Variants in STEAP1 observed in about 807,000 individuals in gnomAD.
STEAP1 encodes STEAP family member 1, also known as STEAP1 protein.
A neutral mutation model predicts 34.4 loss-of-function variants in STEAP1; 30 were observed. The observed-to-expected ratio is 0.87, with a 90% confidence interval of 0.65 to 1.18. The LOEUF is 1.18. Among genes scored for constraint, STEAP1 ranks in the 50% most tolerant of loss-of-function variants. STEAP1 has a pLI of 0.00. For missense variants in STEAP1, 318 were observed against 391.1 expected, an observed-to-expected ratio of 0.81 and a Z score of 1.58; for synonymous variants, 116 against 135.3, an observed-to-expected ratio of 0.86 and a Z score of 0.99.
intron 1 of STEAP1, among the ~76,000 whole-genome samples, chr7:90,158,990 G>A (rs868449160): frequency 6.6e-6 from 1 of 151,622 alleles, no homozygotes; most frequent in African/African-American, 2.4e-5. Context: ...AGTGTAAATT[G>A]AAGATGTGTT....
At chr7:90,164,250 T>C (rs1794221082) in intron 4 of STEAP1, among the ~76,000 whole-genome samples, 1 of 152,194 alleles carries the variant, frequency 6.6e-6, no homozygotes, top group Admixed American at 6.5e-5. Flanking sequence ...AAAGAAAGGC[T>C]GTGAATTTTG....
chr7:90,163,689 G>A (rs925258871), intron 4 of STEAP1, among the ~76,000 whole-genome samples: 3 of 152,150 alleles, frequency 2.0e-5, no homozygotes, highest in African/African-American at 7.2e-5. Flanking sequence ...AGTGAATAGA[G>A]GTCAGAAGTC....
intron 3 of STEAP1, among the ~76,000 whole-genome samples, chr7:90,161,528 C>T (rs1794186787): frequency 6.6e-6 from 1 of 152,072 alleles, no homozygotes; most frequent in Admixed American, 6.6e-5. Context: ...AAATAAGGTA[C>T]AACTTTAGCA....
chr7:90,158,537 A>G (rs1277494789), intron 1 of STEAP1, among the ~76,000 whole-genome samples: 1 of 152,074 alleles, frequency 6.6e-6, no homozygotes, highest in African/African-American at 2.4e-5. Context: ...GATCATCAGT[A>G]TCACTGTCTT....
chr7:90,157,703 A>G (rs1219787355), intron 1 of STEAP1, among the ~76,000 whole-genome samples: 1 of 152,260 alleles, frequency 6.6e-6, no homozygotes, highest in Non-Finnish European at 1.5e-5. Flanking sequence ...TAATTTTGAA[A>G]TAGATAATAT....
rs200418160 is a variant in STEAP1, at chr7:90,160,863, A to G, written c.143A>G (p.Gln48Arg). 8.3e-4 allele frequency: 1,249 copies of G among 1,500,738 alleles called. No homozygotes were observed. The highest frequency in any genetic ancestry group is 3.7e-3 in the African/African-American group (251 of 67,910). 93.0% of individuals were successfully genotyped at this position (1,500,738 alleles called of 1,614,324 possible). ...LKRPVLLHLH[Q>R]TAHADEFDCP... is the part of the protein sequence containing the mutation. The stretch of plus-strand genomic sequence containing the variant: ...AGACCTGTGCTTTTGCATTTGCACC[A>G]AACAGCCCATGCTGATGAATTTGAC... Residue 48 changes from glutamine (Q) to arginine (R), a missense_variant, in exon 3 of 5, where the codon CAA becomes CGA. Coordinates refer to ENST00000297205, the MANE Select transcript of STEAP1 (RefSeq NM_012449.3).
At chr7:90,154,784 AG>A (rs1321234051) in intron 1 of STEAP1, among the ~76,000 whole-genome samples, 1 of 152,214 alleles carries the variant, frequency 6.6e-6, no homozygotes, top group Non-Finnish European at 1.5e-5. Flanking sequence ...GGGGAGAGCC[AG>A]GGACTCACAG....
chr7:90,164,721 G>A lies in STEAP1; in HGVS notation c.1007G>A (p.Cys336Tyr), dbSNP rs368403647. Residue 336 changes from cysteine (C) to tyrosine (Y), a missense_variant, in exon 5 of 5, where the codon TGT becomes TAT. Coordinates refer to ENST00000297205, the MANE Select transcript of STEAP1 (RefSeq NM_012449.3). Reference protein sequence around the residue: ...DVTKINKTEICSQL With the variant: ...DVTKINKTEIYSQL ...ACCAAAATTAACAAAACTGAGATAT[G>A]TTCCCAGTTGTAGAATTACTGTTTA... The A allele has an allele frequency of 6.2e-7, 1 of 1,609,796 alleles. No homozygotes were observed. The highest frequency in any genetic ancestry group is 8.5e-7 in the Non-Finnish European group (1 of 1,178,340).
At chr7:90,162,750 A>G (rs1367671563) in intron 4 of STEAP1, among the ~76,000 whole-genome samples, 1 of 152,104 alleles carries the variant, frequency 6.6e-6, no homozygotes, top group Non-Finnish European at 1.5e-5. Context: ...CTGTCACCTG[A>G]ATTTAGTAAT....
chr7:90,158,793 G>A (rs1382175997), intron 1 of STEAP1, among the ~76,000 whole-genome samples: 1 of 152,130 alleles, frequency 6.6e-6, no homozygotes, highest in Non-Finnish European at 1.5e-5. Flanking sequence ...TGGGACCACT[G>A]TTACATATGC....
chr7:90,161,237 G>A lies in STEAP1; in HGVS notation c.517G>A (p.Val173Ile), dbSNP rs773454536. The change falls in exon 3 of 5, where the codon GTA becomes ATA. Residue 173 changes from valine to isoleucine, a missense_variant. Physicochemically the swap from Val to Ile is conservative, Grantham distance 29. Coordinates refer to ENST00000297205, the MANE Select transcript of STEAP1 (RefSeq NM_012449.3). Reference protein sequence around the residue: ...QFGLLSFFFAVLHAIYSLSYP... With the variant: ...QFGLLSFFFAILHAIYSLSYP... The stretch of plus-strand genomic sequence containing the variant: ...TGGGCTTCTCAGTTTCTTTTTTGCT[G>A]TACTGCATGCAATTTATAGTCTGTC... The A allele has an allele frequency of 7.1e-5, 115 of 1,613,938 alleles. No homozygotes were observed. Among genetic ancestry groups the A allele is most frequent in the Non-Finnish European group, 5.3e-5 (62 of 1,179,996 alleles).
At chr7:90,164,415 G>T in intron 4 of STEAP1, 62 bp from the exon 5 acceptor site, 1 of 1,510,056 alleles carries the variant, frequency 6.6e-7, no homozygotes, top group Non-Finnish European at 8.9e-7. Context: ...ATATCCAGAT[G>T]AGGTAGGATG....
At chr7:90,158,797 C>A (rs1390445436) in intron 1 of STEAP1, among the ~76,000 whole-genome samples, 2 of 152,190 alleles carry the variant, frequency 1.3e-5, no homozygotes, top group African/African-American at 4.8e-5. Context: ...ACCACTGTTA[C>A]ATATGCAGTC....
Position 90,161,958 on chromosome 7 carries a change from G to A in STEAP1, c.642G>A (p.Trp214Ter). The A allele has an allele frequency of 5.0e-6, 8 of 1,613,772 alleles. No individual in the cohort carries two copies. The highest frequency in any genetic ancestry group is 6.8e-6 in the Non-Finnish European group (8 of 1,179,792). Reference protein sequence around the residue: ...KEDAWIEHDVWRMEIYVSLGI... With the variant: ...KEDAWIEHDV Reference sequence around the variant, plus strand: ...ATGCCTGGATTGAGCATGATGTTTGGAGAATGGAGATTTATGTGTCTCTGG... The same window carrying A: ...ATGCCTGGATTGAGCATGATGTTTGAAGAATGGAGATTTATGTGTCTCTGG... The change falls in exon 4 of 5, where the codon TGG becomes TGA. Residue 214 changes from tryptophan to a stop codon, truncating the protein, a stop_gained. Coordinates refer to ENST00000297205, the MANE Select transcript of STEAP1 (RefSeq NM_012449.3). LOFTEE classifies it high-confidence loss of function.
chr7:90,159,783 G>A lies in STEAP1; in HGVS notation c.-6G>A. On this transcript the variant is annotated 5_prime_UTR_variant, in exon 2 of 5. Transcript: ENST00000297205. The stretch of plus-strand genomic sequence containing the variant: ...GTGGCTGAAGCCATACTATTTTATA[G>A]AATTAATGGAAAGCAGAAAAGACAT... The A allele has an allele frequency of 1.3e-6, 2 of 1,532,664 alleles. No homozygotes were observed. Among genetic ancestry groups the A allele is most frequent in the East Asian group, 2.4e-5 (1 of 42,370 alleles). 94.9% of individuals were successfully genotyped at this position (1,532,664 alleles called of 1,614,324 possible).
intron 1 of STEAP1, among the ~76,000 whole-genome samples, chr7:90,157,704 T>C (rs1448120568): frequency 1.3e-5 from 2 of 152,248 alleles, no homozygotes; most frequent in Non-Finnish European, 2.9e-5. Context: ...AATTTTGAAA[T>C]AGATAATATC....
At position 90,160,864 on chromosome 7, in the gene STEAP1, A is replaced by G. The variant is rs1245611070; in HGVS notation, c.144A>G (p.Gln48=). ...GACCTGTGCTTTTGCATTTGCACCAAACAGCCCATGCTGATGAATTTGACT... is the reference window on the plus strand; with the variant it reads ...GACCTGTGCTTTTGCATTTGCACCAGACAGCCCATGCTGATGAATTTGACT... The part of the protein sequence containing the change: ...LKRPVLLHLH[Q]TAHADEFDCP... Residue 48 remains glutamine, a synonymous_variant, in exon 3 of 5, where the codon CAA becomes CAG. Coordinates refer to ENST00000297205, the MANE Select transcript of STEAP1 (RefSeq NM_012449.3). 3 of 1,613,918 alleles carry G rather than the reference A, an allele frequency of 1.9e-6. No homozygotes were observed. The highest frequency in any genetic ancestry group is 1.3e-5 in the African/African-American group (1 of 74,948).
intron 4 of STEAP1, chr7:90,163,187 G>A (rs931903371): frequency 4.8e-6 from 1 of 206,264 alleles, no homozygotes; most frequent in African/African-American, 2.3e-5. Flanking sequence ...GATTAGTTTG[G>A]AAAGTATGCC....
In STEAP1 at chr7:90,164,666, C is replaced by T; in HGVS notation, c.952C>T (p.Leu318=). Residue 318 remains leucine, a synonymous_variant, in exon 5 of 5, where the codon CTG becomes TTG. Coordinates refer to ENST00000297205, the MANE Select transcript of STEAP1 (RefSeq NM_012449.3). ...LFLPCLRKKI[L]KIRHGWEDVT... ...CCTGCCATGCTTGAGGAAGAAGATACTGAAGATTAGACATGGTTGGGAAGA... is the reference window on the plus strand; with the variant it reads ...CCTGCCATGCTTGAGGAAGAAGATATTGAAGATTAGACATGGTTGGGAAGA... The T allele has an allele frequency of 5.6e-6, 9 of 1,613,648 alleles. No homozygotes were observed. Among genetic ancestry groups the T allele is most frequent in the Non-Finnish European group, 7.6e-6 (9 of 1,179,788 alleles).
Sources: gnomAD v4.1 joint callset for allele counts (sites outside exome capture counted in the v4.1 genomes callset) on GRCh38, gnomAD v4.1.1 for gene constraint, MANE v1.5 for transcripts, NCBI Gene and HGNC (gene_info 2026-07-23, HGNC 2026-07-21) for gene names.